Variants in FRMPD4 observed in about 807,000 individuals in gnomAD.
The protein encoded by FRMPD4 is FERM and PDZ domain-containing protein 4.
A neutral mutation model predicts 94.1 loss-of-function variants in FRMPD4; 22 were observed. The observed-to-expected ratio is 0.23, with a 90% CI of 0.17 to 0.33. The LOEUF is 0.33. FRMPD4 is among the 10% of genes least tolerant of loss of function. The pLI is 1.00. For missense variants in FRMPD4, 1,111 were observed against 1,339.9 expected (o/e 0.83, Z 2.67); for synonymous variants, 631 against 548.6 (o/e 1.15, Z -2.10).
intron 1 of FRMPD4, among the ~76,000 whole-genome samples, chrX:12,231,915 T>C (rs1202663795): frequency 8.9e-6 from 1 of 112,158 alleles, no homozygotes; most frequent in African/African-American, 3.2e-5. Flanking sequence ...TTGTGTATTC[T>C]GTTGGGTGTT....
chrX:12,064,744 A>C (rs966220184), intron 3 of FRMPD4, among the ~76,000 whole-genome samples: 5 of 111,976 alleles, frequency 4.5e-5, no homozygotes, highest in Non-Finnish European at 9.4e-5. Context: ...GGTTATAGGA[A>C]TCCCTGACAA....
At chrX:12,101,772 A>G (rs2055257939) in intron 3 of FRMPD4, among the ~76,000 whole-genome samples, 1 of 112,009 alleles carries the variant, frequency 8.9e-6, no homozygotes, top group African/African-American at 3.2e-5. Flanking sequence ...GAATGAAGAA[A>G]GGAAAAAATC....
intron 1 of FRMPD4, among the ~76,000 whole-genome samples, chrX:12,256,548 T>C (rs7888255): frequency 0.45 from 50,165 of 110,416 alleles, 8,145 homozygotes; most frequent in Non-Finnish European, 0.47. Context: ...AACCTTGAAG[T>C]TGGGATAATC....
intron 3 of FRMPD4, among the ~76,000 whole-genome samples, chrX:11,930,979 C>T (rs1461623668): frequency 9.0e-6 from 1 of 111,136 alleles, no homozygotes; most frequent in Non-Finnish European, 1.9e-5. Context: ...ATAGTCACTT[C>T]CCAACCTGTG....
chrX:12,585,753 T>C (rs1480905248), intron 2 of FRMPD4, among the ~76,000 whole-genome samples: 4 of 112,260 alleles, frequency 3.6e-5, no homozygotes, highest in Non-Finnish European at 7.5e-5. Context: ...GTGTCTAGTC[T>C]GATTTGAGAT....
chrX:12,526,311 T>C (rs901718508), intron 2 of FRMPD4, among the ~76,000 whole-genome samples: 1 of 112,640 alleles, frequency 8.9e-6, no homozygotes, highest in African/African-American at 3.2e-5. Context: ...TGAATTTTAA[T>C]TTTAAGCACC....
intron 1 of FRMPD4, among the ~76,000 whole-genome samples, chrX:11,857,380 A>G (rs2053659627): frequency 9.0e-6 from 1 of 111,711 alleles, no homozygotes; most frequent in Non-Finnish European, 1.9e-5. Flanking sequence ...GACAAATGGA[A>G]CATAATAGAG....
intron 3 of FRMPD4, among the ~76,000 whole-genome samples, chrX:12,045,704 T>TA (rs2054781701): frequency 9.0e-6 from 1 of 111,148 alleles, no homozygotes; most frequent in Admixed American, 9.6e-5. Context: ...CCAAGGATCC[T>TA]TAGCAAGAGA....
At chrX:12,312,916 G>A (rs1186191480) in intron 1 of FRMPD4, among the ~76,000 whole-genome samples, 2 of 111,312 alleles carry the variant, frequency 1.8e-5, no homozygotes, top group African/African-American at 3.3e-5. Context: ...ATGCTGCAAT[G>A]AGAGGACAAA....
chrX:12,171,773 T>C (rs1489671223), intron 1 of FRMPD4, among the ~76,000 whole-genome samples: 2 of 112,011 alleles, frequency 1.8e-5, no homozygotes, highest in Non-Finnish European at 3.8e-5. Flanking sequence ...ATTCATTAGC[T>C]TATAGAAACA....
intron 1 of FRMPD4, among the ~76,000 whole-genome samples, chrX:12,231,074 T>G (rs1601720243): frequency 1.7e-5 from 1 of 58,053 alleles, no homozygotes; most frequent in African/African-American, 6.2e-5. Context: ...TATATATATA[T>G]AGTCTCATTC....
At chrX:12,189,958 C>T (rs193268730) in intron 1 of FRMPD4, among the ~76,000 whole-genome samples, 1 of 111,123 alleles carries the variant, frequency 9.0e-6, no homozygotes, top group Admixed American at 9.6e-5. Flanking sequence ...ACATAATCAT[C>T]TATATAGAAA....
At chrX:11,935,267 G>GT (rs1569129076) in intron 3 of FRMPD4, among the ~76,000 whole-genome samples, 35 of 3,229 alleles carry the variant, frequency 0.011, 3 homozygotes, top group African/African-American at 0.017. Context: ...TTTTTTTAAT[G>GT]TGTTTTTTTT....
chrX:12,128,033 T>C (rs2055515743), intron 3 of FRMPD4, among the ~76,000 whole-genome samples: 1 of 112,653 alleles, frequency 8.9e-6, no homozygotes, highest in Non-Finnish European at 1.9e-5. Context: ...CTCCCAGCTG[T>C]TTCCACAGGC....
intron 3 of FRMPD4, among the ~76,000 whole-genome samples, chrX:12,101,867 T>G (rs898409675): frequency 8.9e-6 from 1 of 112,173 alleles, no homozygotes; most frequent in African/African-American, 3.2e-5. Flanking sequence ...AATAAATGTA[T>G]GTTTACACAT....
chrX:12,491,121 C>A (rs2057788884), intron 1 of FRMPD4, among the ~76,000 whole-genome samples: 1 of 111,148 alleles, frequency 9.0e-6, no homozygotes, highest in African/African-American at 3.3e-5. Context: ...TTCCTCTCTA[C>A]AATTTCTCCA....
intron 11 of FRMPD4, among the ~76,000 whole-genome samples, chrX:12,705,610 T>A (rs1005903828): frequency 9.9e-5 from 11 of 111,333 alleles, no homozygotes; most frequent in Non-Finnish European, 2.1e-4. Context: ...GGGAAGGATG[T>A]CTTTGATCAC....
intron 1 of FRMPD4, among the ~76,000 whole-genome samples, chrX:12,160,252 T>C (rs1380569071): frequency 1.8e-5 from 2 of 111,708 alleles, no homozygotes; most frequent in East Asian, 2.8e-4. Context: ...ATTAATTCAA[T>C]TGAAATAAAT....
chrX:12,290,007 A>G (rs1386960585), intron 1 of FRMPD4, among the ~76,000 whole-genome samples: 2 of 111,646 alleles, frequency 1.8e-5, no homozygotes, highest in African/African-American at 6.5e-5. Context: ...TAGAGAAGGA[A>G]CTTTCCCCAG....
Sources: allele counts gnomAD v4.1 joint callset (sites outside exome capture counted in the v4.1 genomes callset), GRCh38; gene constraint gnomAD v4.1.1; transcripts MANE v1.5; gene names NCBI Gene and HGNC (gene_info 2026-07-23, HGNC 2026-07-21).